The following CCDC91 variants were observed in gnomAD, a reference collection of about 807,000 sequenced individuals.
The protein encoded by CCDC91 is coiled-coil domain-containing protein 91.
A neutral mutation model predicts 63.2 loss-of-function variants in CCDC91; 48 were observed. The observed-to-expected ratio is 0.76, with a 90% CI of 0.60 to 0.97. The LOEUF (loss-of-function observed/expected upper bound fraction) is 0.97. CCDC91 is among the 50% of genes least tolerant of loss of function. CCDC91 has a pLI of 0.00. For synonymous variants in CCDC91, 167 were observed against 165.8 expected (o/e 1.01, Z -0.06); for missense variants, 500 against 494.6 (o/e 1.01, Z -0.10).
intron 8 of CCDC91, among the ~76,000 whole-genome samples, chr12:28,435,303 GT>G (rs112683375): frequency 2.0e-4 from 30 of 149,558 alleles, no homozygotes; most frequent in African/African-American, 6.1e-4. Context: ...GATAAATTGC[GT>G]TTTTTTTTTC....
At chr12:28,346,143 G>C (rs1458043317) in intron 6 of CCDC91, among the ~76,000 whole-genome samples, 1 of 152,088 alleles carries the variant, frequency 6.6e-6, no homozygotes, top group African/African-American at 2.4e-5. Flanking sequence ...GTTCTGTTGA[G>C]AGCTGTGAAT....
intron 11 of CCDC91, among the ~76,000 whole-genome samples, chr12:28,456,358 G>T (rs1442588565): frequency 6.6e-6 from 1 of 152,064 alleles, no homozygotes; most frequent in Non-Finnish European, 1.5e-5. Context: ...AGCTGATAAT[G>T]GTTGTAGGGG....
intron 12 of CCDC91, among the ~76,000 whole-genome samples, chr12:28,496,889 G>T (rs1952314062): frequency 6.9e-6 from 1 of 145,314 alleles, no homozygotes; most frequent in Non-Finnish European, 1.5e-5. Context: ...TATATATGTA[G>T]ATATAAGGTA....
At chr12:28,229,032 G>T (rs747408698) in intron 1 of CCDC91, among the ~76,000 whole-genome samples, 1 of 151,940 alleles carries the variant, frequency 6.6e-6, no homozygotes, top group Non-Finnish European at 1.5e-5. Context: ...TTACATTCTG[G>T]TGGATTGTCT....
At chr12:28,418,407 G>A (rs1328846246) in intron 8 of CCDC91, among the ~76,000 whole-genome samples, 1 of 152,124 alleles carries the variant, frequency 6.6e-6, no homozygotes, top group African/African-American at 2.4e-5. Flanking sequence ...ATGGAAGGTA[G>A]TATTATATAG....
chr12:28,427,815 G>C (rs1213055931), intron 8 of CCDC91, among the ~76,000 whole-genome samples: 1 of 152,056 alleles, frequency 6.6e-6, no homozygotes, highest in African/African-American at 2.4e-5. Flanking sequence ...CTTTTTATGT[G>C]TCAGAGCTGA....
At chr12:28,239,793 T>C (rs1045827082) in intron 1 of CCDC91, among the ~76,000 whole-genome samples, 1 of 152,260 alleles carries the variant, frequency 6.6e-6, no homozygotes, top group East Asian at 1.9e-4. Flanking sequence ...AAAGAACTTA[T>C]AATTGCATGT....
intron 12 of CCDC91, among the ~76,000 whole-genome samples, chr12:28,505,863 G>A (rs921217109): frequency 3.9e-5 from 6 of 151,986 alleles, no homozygotes; most frequent in Admixed American, 6.6e-5. Context: ...CTACCAAGAA[G>A]TGCTCCAACG....
intron 1 of CCDC91, among the ~76,000 whole-genome samples, chr12:28,246,793 A>G (rs1410448408): frequency 6.6e-6 from 1 of 152,146 alleles, no homozygotes; most frequent in African/African-American, 2.4e-5. Flanking sequence ...TATAGAATTA[A>G]CTGACTTACC....
chr12:28,282,647 A>G (rs1340292796), intron 3 of CCDC91, among the ~76,000 whole-genome samples: 2 of 152,120 alleles, frequency 1.3e-5, no homozygotes, highest in Admixed American at 1.3e-4. Context: ...TGCTGGATCA[A>G]ATGGTAGCTC....
chr12:28,259,042 GTAAGT>G (rs1016546644), intron 2 of CCDC91, among the ~76,000 whole-genome samples: 1 of 151,862 alleles, frequency 6.6e-6, no homozygotes, highest in African/African-American at 2.4e-5. Context: ...GTTAAATGTG[GTAAGT>G]TAAGTTAAAA....
intron 1 of CCDC91, among the ~76,000 whole-genome samples, chr12:28,238,806 G>A (rs1945136373): frequency 6.6e-6 from 1 of 152,098 alleles, no homozygotes; most frequent in Admixed American, 6.5e-5. Context: ...TATTACATGA[G>A]AACAACTAAG....
chr12:28,291,016 G>A (rs1289913030), intron 3 of CCDC91, among the ~76,000 whole-genome samples: 1 of 152,088 alleles, frequency 6.6e-6, no homozygotes, highest in Non-Finnish European at 1.5e-5. Context: ...TTGAAAAAAT[G>A]TTAGGTTGGT....
At chr12:28,212,739 C>T (rs546839319) in intron 1 of CCDC91, among the ~76,000 whole-genome samples, 4 of 152,232 alleles carry the variant, frequency 2.6e-5, no homozygotes, top group South Asian at 2.1e-4. Flanking sequence ...ACTAGCAGAC[C>T]TTTGATTGAT....
chr12:28,540,717 C>T (rs1942568261), intron 12 of CCDC91, among the ~76,000 whole-genome samples: 1 of 152,100 alleles, frequency 6.6e-6, no homozygotes, highest in African/African-American at 2.4e-5. Context: ...CCTTATTAAT[C>T]CCCTGCCTTT....
intron 1 of CCDC91, among the ~76,000 whole-genome samples, chr12:28,221,786 G>C (rs1040065051): frequency 5.9e-5 from 9 of 152,118 alleles, no homozygotes; most frequent in Non-Finnish European, 1.2e-4. Flanking sequence ...TCCTGTCCTT[G>C]GGTAATTTTC....
chr12:28,446,446 A>G (rs1949504827), intron 8 of CCDC91, among the ~76,000 whole-genome samples: 1 of 152,332 alleles, frequency 6.6e-6, no homozygotes, highest in Admixed American at 6.5e-5. Flanking sequence ...ACTTCAAGGA[A>G]ACAGAGACAG....
In CCDC91 at chr12:28,257,128, A is replaced by C. The variant is rs76960133; in HGVS notation, c.-14-74A>C. 1,558 of 871,784 alleles carry C rather than the reference A, an allele frequency of 1.8e-3. 15 individuals are homozygous for C. The highest frequency in any genetic ancestry group is 0.015 in the African/African-American group (878 of 59,512). The allele number at this position is 871,784 out of a possible 1,614,324, so 54.0% of individuals were successfully genotyped here. A position where few individuals can be genotyped will look rare whatever the true frequency, so the allele number is the denominator to read the frequency against. On this transcript the variant is annotated intron_variant, in intron 1 of 12. Transcript: ENST00000536442. ...CTAATTTACAAATAAATATGTATAC[A>C]TTTAAGTTGGAGAGTATTTTGACAT...
intron 3 of CCDC91, among the ~76,000 whole-genome samples, chr12:28,286,648 T>C (rs759863015): frequency 1.7e-4 from 26 of 152,334 alleles, no homozygotes; most frequent in African/African-American, 2.6e-4. Flanking sequence ...GTCTTTGCTA[T>C]TGTGAAATGC....
Sources: allele counts gnomAD v4.1 joint callset (sites outside exome capture counted in the v4.1 genomes callset), GRCh38; gene constraint gnomAD v4.1.1; transcripts MANE v1.5; gene names NCBI Gene and HGNC (gene_info 2026-07-23, HGNC 2026-07-21).